PDGFC: variants seen among roughly 807,000 people sequenced by gnomAD.
PDGFC encodes platelet-derived growth factor C.
PDGFC carries 12 observed loss-of-function variants against 35.5 expected under a neutral mutation model. That is an observed-to-expected ratio of 0.34 (90% confidence interval 0.22 to 0.55). The LOEUF (loss-of-function observed/expected upper bound fraction) is 0.55. PDGFC is among the 20% of genes least tolerant of loss of function. PDGFC has a pLI of 0.91. For synonymous variants in PDGFC, 159 were observed against 148.8 expected (o/e 1.07, Z -0.50); for missense variants, 322 against 412.4 (o/e 0.78, Z 1.90).
At chr4:156,788,476 C>T (rs1731190709) in intron 3 of PDGFC, among the ~76,000 whole-genome samples, 2 of 152,088 alleles carry the variant, frequency 1.3e-5, no homozygotes, top group Admixed American at 1.3e-4. Flanking sequence ...CTTAGCAGGG[C>T]CAAAAATCCT....
At chr4:156,950,255 T>G (rs758222149) in intron 1 of PDGFC, among the ~76,000 whole-genome samples, 1 of 151,874 alleles carries the variant, frequency 6.6e-6, no homozygotes, top group Non-Finnish European at 1.5e-5. Context: ...CATTCCAGGA[T>G]GAGGAAAGTG....
chr4:156,920,649 ACACACACACACACACACAC>A (rs1731252999), intron 1 of PDGFC, among the ~76,000 whole-genome samples: 1 of 98,810 alleles, frequency 1.0e-5, no homozygotes, highest in African/African-American at 3.4e-5. Flanking sequence ...AAGAAAACAC[ACACACACACACACACACAC>A]ACACACACAC....
chr4:156,931,359 T>C (rs1731545656), intron 1 of PDGFC, among the ~76,000 whole-genome samples: 1 of 152,192 alleles, frequency 6.6e-6, no homozygotes, highest in Admixed American at 6.5e-5. Flanking sequence ...ATATTTCTAC[T>C]GGGAAGGAAA....
intron 1 of PDGFC, among the ~76,000 whole-genome samples, chr4:156,966,087 C>T (rs895611259): frequency 6.6e-6 from 1 of 152,132 alleles, no homozygotes; most frequent in Non-Finnish European, 1.5e-5. Flanking sequence ...CAGTATGGAA[C>T]TAACACTGGT....
At chr4:156,844,606 G>A (rs548369110) in intron 2 of PDGFC, among the ~76,000 whole-genome samples, 4 of 151,432 alleles carry the variant, frequency 2.6e-5, no homozygotes, top group Admixed American at 2.0e-4. Context: ...TACAAACAAG[G>A]ACATAAGAAA....
chr4:156,842,069 A>G (rs1729218571), intron 2 of PDGFC: 1 of 152,166 alleles, frequency 6.6e-6, no homozygotes. Flanking sequence ...CGAAGAAAAA[A>G]GAGAAAGGCC....
chr4:156,782,950 G>C (rs2110853100), intron 3 of PDGFC, among the ~76,000 whole-genome samples: 1 of 152,262 alleles, frequency 6.6e-6, no homozygotes, highest in Admixed American at 6.5e-5. Flanking sequence ...AAAAACCTGT[G>C]TCCTTTAGGT....
At chr4:156,959,942 C>G (rs987742053) in intron 1 of PDGFC, among the ~76,000 whole-genome samples, 1 of 151,812 alleles carries the variant, frequency 6.6e-6, no homozygotes, top group African/African-American at 2.4e-5. Flanking sequence ...AATTTTTCAC[C>G]GTGAAGCAAA....
chr4:156,780,703 G>A (rs1222859135), intron 3 of PDGFC, among the ~76,000 whole-genome samples: 1 of 152,128 alleles, frequency 6.6e-6, no homozygotes, highest in African/African-American at 2.4e-5. Context: ...AGAGTGTTAA[G>A]TAGCTGAAAC....
At chr4:156,799,530 A>T (rs1191145574) in intron 3 of PDGFC, among the ~76,000 whole-genome samples, 2 of 152,194 alleles carry the variant, frequency 1.3e-5, no homozygotes, top group African/African-American at 4.8e-5. Context: ...TTTGCATACC[A>T]GAGTGACACA....
intron 1 of PDGFC, among the ~76,000 whole-genome samples, chr4:156,957,122 T>C (rs1732231854): frequency 1.3e-5 from 2 of 152,138 alleles, no homozygotes; most frequent in South Asian, 2.1e-4. Context: ...TGCGGCTTAA[T>C]GCTCTACAGT....
At chr4:156,831,122 C>G (rs952208381) in intron 2 of PDGFC, among the ~76,000 whole-genome samples, 5 of 152,092 alleles carry the variant, frequency 3.3e-5, no homozygotes, top group Non-Finnish European at 7.4e-5. Flanking sequence ...GATGGATAGA[C>G]AGAGGAGTGA....
At chr4:156,877,128 A>T in intron 1 of PDGFC, among the ~76,000 whole-genome samples, 1 of 152,132 alleles carries the variant, frequency 6.6e-6, no homozygotes, top group African/African-American at 2.4e-5. Flanking sequence ...GTACATAATA[A>T]GTGTATATAT....
At chr4:156,866,204 G>A (rs1316535029) in intron 1 of PDGFC, among the ~76,000 whole-genome samples, 1 of 152,116 alleles carries the variant, frequency 6.6e-6, no homozygotes, top group East Asian at 1.9e-4. Context: ...AGAACATGCA[G>A]TGTTTGGTTT....
At chr4:156,823,543 G>T (rs1732329438) in intron 2 of PDGFC, among the ~76,000 whole-genome samples, 3 of 152,160 alleles carry the variant, frequency 2.0e-5, no homozygotes, top group Admixed American at 1.3e-4. Context: ...AGCTCCTCAT[G>T]CAAAGATCAC....
intron 3 of PDGFC, chr4:156,779,078 G>A: frequency 2.2e-6 from 1 of 455,514 alleles, no homozygotes; most frequent in African/African-American, 2.0e-5. Context: ...ATATTGTACA[G>A]AGGTCTTACT....
At chr4:156,948,722 A>C (rs1732006945) in intron 1 of PDGFC, among the ~76,000 whole-genome samples, 1 of 152,004 alleles carries the variant, frequency 6.6e-6, no homozygotes, top group African/African-American at 2.4e-5. Flanking sequence ...TATAGATGAA[A>C]TACTTACAAC....
chr4:156,793,335 G>T lies in PDGFC; in HGVS notation c.495+17502C>A, dbSNP rs117565895. Among the ~76,000 whole-genome samples the T allele has an allele frequency of 8.6e-5, 13 of 151,582 alleles. No homozygotes were observed. In the East Asian group the frequency reaches 2.5e-3, roughly 29 times the overall value. On this transcript the variant is annotated intron_variant, in intron 3 of 5. Coordinates refer to ENST00000502773, the MANE Select transcript of PDGFC (RefSeq NM_016205.3). ...ATACAATCTTTTCCCAGAAAGGGACGTAAAATGACCAAAGAGCATACTCTT... is the reference window on the plus strand; with the variant it reads ...ATACAATCTTTTCCCAGAAAGGGACTTAAAATGACCAAAGAGCATACTCTT...
chr4:156,922,331 A>G (rs902707390), intron 1 of PDGFC, among the ~76,000 whole-genome samples: 6 of 152,206 alleles, frequency 3.9e-5, no homozygotes, highest in African/African-American at 1.4e-4. Context: ...AAACATGGAA[A>G]CATTCATTCA....
Sources: allele counts gnomAD v4.1 joint callset (sites outside exome capture counted in the v4.1 genomes callset), GRCh38; gene constraint gnomAD v4.1.1; transcripts MANE v1.5; gene names NCBI Gene and HGNC (gene_info 2026-07-23, HGNC 2026-07-21).